DHX40: variants seen among roughly 807,000 people sequenced by gnomAD.
The protein encoded by DHX40 is probable ATP-dependent RNA helicase DHX40.
In DHX40, 28 loss-of-function variants were observed where a neutral mutation model predicts 89.6. That is an observed-to-expected ratio of 0.31 (90% CI 0.23 to 0.43). DHX40 has a LOEUF of 0.43. DHX40 is among the 20% of genes least tolerant of loss of function. The pLI is 1.00. For missense variants in DHX40, 457 were observed against 844.0 expected (o/e 0.54, Z 5.68); for synonymous variants, 226 against 283.6 (o/e 0.80, Z 2.04).
intron 10 of DHX40, 97 bp from the exon 11 acceptor site, chr17:59,586,056 G>C (rs575081821): frequency 3.6e-6 from 3 of 826,162 alleles, no homozygotes; most frequent in Admixed American, 3.1e-5. Flanking sequence ...TTGAAAAATA[G>C]AAATAAAACC....
At position 59,602,486 on chromosome 17, in the gene DHX40, A is replaced by G. The variant is rs758349084; in HGVS notation, c.1807-36A>G. 2.3e-5 allele frequency: 34 copies of G among 1,508,202 alleles called. No individual in the cohort carries two copies. In the Middle Eastern group the frequency reaches 8.7e-4, roughly 38 times the overall value. The allele number at this position is 1,508,202 out of a possible 1,614,324, so 93.4% of individuals were successfully genotyped here. On this transcript the variant is annotated intron_variant, in intron 14 of 17. Transcript: ENST00000251241. The stretch of plus-strand genomic sequence containing the variant: ...ATAAAAGATTATTTCAAATTGTACT[A>G]TGAGATTTACCACTCTCTACATATT...
In DHX40 at chr17:59,573,840, C is replaced by T. The variant is rs1000425024; in HGVS notation, c.647C>T (p.Ala216Val). ...VVVMSATMEL[A>V]KLSAFFGNCP... is the part of the protein sequence containing the mutation. Reference sequence around the variant, plus strand: ...GTAATGTCAGCAACTATGGAATTAGCCAAGCTCTCTGCATTCTTTGGAAAT... The same window carrying T: ...GTAATGTCAGCAACTATGGAATTAGTCAAGCTCTCTGCATTCTTTGGAAAT... The change falls in exon 5 of 18, where the codon GCC becomes GTC. Residue 216 changes from alanine (A) to valine (V), a missense_variant. By Grantham distance (64) the Ala-to-Val change is moderately conservative (BLOSUM62 0). Transcript: ENST00000251241. 6.2e-7 allele frequency: 1 copy of T among 1,613,202 alleles called. No homozygotes were observed. Among genetic ancestry groups the T allele is most frequent in the Non-Finnish European group, 8.5e-7 (1 of 1,179,690 alleles).
At chr17:59,599,186 T>C (rs527794228) in intron 13 of DHX40, among the ~76,000 whole-genome samples, 189 bp from the exon 14 acceptor site, 77 of 151,308 alleles carry the variant, frequency 5.1e-4, no homozygotes, top group African/African-American at 1.9e-3. Context: ...TTTAATTTAG[T>C]CAGGGGCACA....
intron 15 of DHX40, chr17:59,604,280 G>T (rs996596291): frequency 7.9e-5 from 12 of 152,080 alleles, no homozygotes; most frequent in African/African-American, 2.7e-4. Flanking sequence ...AATGATTCAG[G>T]TAAAAATTTT....
chr17:59,571,162 G>A (rs1158255881), intron 3 of DHX40, among the ~76,000 whole-genome samples: 1 of 152,086 alleles, frequency 6.6e-6, no homozygotes, highest in Non-Finnish European at 1.5e-5. Flanking sequence ...GTGCCATTAA[G>A]TATGTTCACA....
chr17:59,597,959 T>G (rs1307048440), intron 12 of DHX40, among the ~76,000 whole-genome samples: 1 of 143,900 alleles, frequency 6.9e-6, no homozygotes, highest in East Asian at 2.0e-4. Context: ...AAAAACCTCC[T>G]GGGCTCAAGC....
At chr17:59,576,511 C>A (rs1181672742) in intron 7 of DHX40, among the ~76,000 whole-genome samples, 3 of 152,034 alleles carry the variant, frequency 2.0e-5, no homozygotes, top group Non-Finnish European at 4.4e-5. Flanking sequence ...CCTATATTAA[C>A]AAAGTTTTGG....
At chr17:59,572,544 A>G (rs2143220000) in intron 3 of DHX40, among the ~76,000 whole-genome samples, 1 of 152,136 alleles carries the variant, frequency 6.6e-6, no homozygotes, top group Admixed American at 6.5e-5. Flanking sequence ...ACACCTGGCT[A>G]ATTTTTATAT....
At chr17:59,597,803 C>T (rs1313687045) in intron 12 of DHX40, among the ~76,000 whole-genome samples, 3 of 150,944 alleles carry the variant, frequency 2.0e-5, no homozygotes, top group African/African-American at 4.9e-5. Flanking sequence ...GGCGCGGTGG[C>T]GGGCGCCTGT....
At chr17:59,573,508 A>G (rs1207441783) in intron 4 of DHX40, among the ~76,000 whole-genome samples, 1 of 152,010 alleles carries the variant, frequency 6.6e-6, no homozygotes, top group Non-Finnish European at 1.5e-5. Flanking sequence ...TTTTAAGAAT[A>G]TTTTTTGTAG....
At chr17:59,570,026 A>G (rs925108082) in intron 2 of DHX40, among the ~76,000 whole-genome samples, 1 of 139,500 alleles carries the variant, frequency 7.2e-6, no homozygotes, top group African/African-American at 2.7e-5. Context: ...CCTAGGCAAC[A>G]AGAGCAAAAC....
At position 59,577,306 on chromosome 17, in the gene DHX40, T is replaced by G. The variant is rs138939353; in HGVS notation, c.1014T>G (p.Ile338Met). The G allele has an allele frequency of 1.1e-5, 18 of 1,613,952 alleles. No homozygotes were observed. The African/African-American group carries it at 1.7e-4, about 16-fold the overall frequency. ...RRIFLPPPPG[I>M]RKCVISTNIS... ...TATTTTTGCCACCACCACCTGGAAT[T>G]AGAAAATGTGTCATATCCACCAATA... The change falls in exon 8 of 18, where the codon ATT becomes ATG. Residue 338 changes from isoleucine to methionine, a missense_variant. Ile to Met is a conservative substitution (Grantham distance 10). This residue lies in a region of DHX40 where 116 missense variants were observed against 188.9 expected (regional missense o/e 0.61). Transcript: ENST00000251241.
At chr17:59,568,683 A>AT (rs890640103) in intron 2 of DHX40, among the ~76,000 whole-genome samples, 1 of 152,088 alleles carries the variant, frequency 6.6e-6, no homozygotes, top group Non-Finnish European at 1.5e-5. Context: ...GTACTGTAAC[A>AT]TTTTTGGACC....
chr17:59,569,826 A>T (rs1238112390), intron 2 of DHX40, among the ~76,000 whole-genome samples: 2 of 145,908 alleles, frequency 1.4e-5, no homozygotes, highest in East Asian at 3.9e-4. Flanking sequence ...CAAGTGGATC[A>T]CCTGAGGTTG....
intron 3 of DHX40, among the ~76,000 whole-genome samples, chr17:59,571,305 A>G (rs537445540): frequency 5.0e-4 from 76 of 152,018 alleles, no homozygotes; most frequent in Non-Finnish European, 7.9e-4. Context: ...TAAAAATACA[A>G]AATTAGCTGG....
chr17:59,589,326 G>T lies in DHX40; in HGVS notation c.1582+1273G>T, dbSNP rs1337088274. 1.2e-4 allele frequency among the ~76,000 whole-genome samples: 18 copies of T among 144,838 alleles called. No individual in the cohort carries two copies. The East Asian group carries it at 3.8e-3, about 31-fold the overall frequency. On this transcript the variant is annotated intron_variant, in intron 12 of 17. Transcript: ENST00000251241. ...AAGCTCTGCCTCCCAGATTCGTGCC[G>T]TTCTCTCGCCTCAGCCTCCCGAGTA... is the stretch of plus-strand genomic sequence containing the variant.
intron 12 of DHX40, among the ~76,000 whole-genome samples, chr17:59,595,716 C>G (rs1451627272): frequency 7.7e-6 from 1 of 130,356 alleles, no homozygotes; most frequent in Non-Finnish European, 1.6e-5. Context: ...AAGTGAGAAA[C>G]AAAGACAGTT....
intron 12 of DHX40, among the ~76,000 whole-genome samples, chr17:59,594,875 C>T (rs561075496): frequency 3.3e-5 from 5 of 151,324 alleles, no homozygotes; most frequent in East Asian, 2.0e-4. Flanking sequence ...CTGTCCTTAC[C>T]GAATTCCATA....
chr17:59,604,715 G>A (rs2030739441), intron 15 of DHX40: 1 of 166,394 alleles, frequency 6.0e-6, no homozygotes, highest in Non-Finnish European at 1.3e-5. Flanking sequence ...ATAACATAAA[G>A]AAACCATATT....
Sources: allele counts gnomAD v4.1 joint callset (sites outside exome capture counted in the v4.1 genomes callset), GRCh38; gene constraint gnomAD v4.1.1; regional missense constraint gnomAD v4.1.1; transcripts MANE v1.5; gene names NCBI Gene and HGNC (gene_info 2026-07-23, HGNC 2026-07-21).